FAM171A1: variants seen among roughly 807,000 people sequenced by gnomAD.
FAM171A1 encodes the protein family with sequence similarity 171 member A1, also known as protein FAM171A1.
FAM171A1 carries 23 observed loss-of-function variants against 74.9 expected under a neutral mutation model. That is an observed-to-expected ratio of 0.31 (90% CI 0.22 to 0.44). The LOEUF is 0.44. Ranked by LOEUF, FAM171A1 falls within the 20% of genes least tolerant of loss-of-function variation. The pLI is 1.00. For synonymous variants in FAM171A1, 527 were observed against 505.7 expected (o/e 1.04, Z -0.57); for missense variants, 1,162 against 1,159.2 (o/e 1.00, Z -0.03).
chr10:15,257,878 G>C (rs983608293), intron 3 of FAM171A1, among the ~76,000 whole-genome samples: 2 of 152,162 alleles, frequency 1.3e-5, no homozygotes, highest in African/African-American at 4.8e-5. Context: ...GCCTGCCTCC[G>C]TGTACTAAAG....
chr10:15,336,279 T>G (rs1835698677), intron 1 of FAM171A1, among the ~76,000 whole-genome samples: 1 of 151,334 alleles, frequency 6.6e-6, no homozygotes, highest in Admixed American at 6.6e-5. Flanking sequence ...ATGCACACGT[T>G]CCTCCTAAGG....
At chr10:15,256,101 C>T (rs1300238570) in intron 3 of FAM171A1, among the ~76,000 whole-genome samples, 1 of 152,174 alleles carries the variant, frequency 6.6e-6, no homozygotes, top group Admixed American at 6.5e-5. Flanking sequence ...TTGAGGCAGA[C>T]CACATTCCAC....
At chr10:15,230,506 C>T (rs994100559) in intron 5 of FAM171A1, among the ~76,000 whole-genome samples, 8 of 152,182 alleles carry the variant, frequency 5.3e-5, no homozygotes, top group African/African-American at 1.7e-4. Flanking sequence ...TTGTAACCAA[C>T]GACCTTCTGT....
At position 15,367,305 on chromosome 10, in the gene FAM171A1, T is replaced by C. The variant is rs1836077798; in HGVS notation, c.97+3651A>G. On this transcript the variant is annotated intron_variant, in intron 1 of 7. Transcript: ENST00000378116. ...ATGCACTATTTTCCTTCTTTTGGTT[T>C]GGATGTTAAGGTAACAACCTATAAG... is the stretch of plus-strand genomic sequence containing the variant. Among the ~76,000 whole-genome samples the C allele has an allele frequency of 3.3e-5, 5 of 152,254 alleles. No homozygotes were observed. The South Asian group carries it at 1.0e-3, about 32-fold the overall frequency.
intron 7 of FAM171A1, 95 bp from the exon 8 acceptor site, chr10:15,214,696 T>C (rs1833945685): frequency 2.1e-6 from 3 of 1,453,574 alleles, no homozygotes; most frequent in Non-Finnish European, 2.7e-6. Context: ...TCAATTTCCA[T>C]GGGGAGAGAC....
At chr10:15,311,027 T>G (rs1225121821) in intron 1 of FAM171A1, among the ~76,000 whole-genome samples, 1 of 152,152 alleles carries the variant, frequency 6.6e-6, no homozygotes, top group Non-Finnish European at 1.5e-5. Flanking sequence ...GACCTAGGGC[T>G]GCTGGAAGGA....
At chr10:15,322,130 T>C (rs570837933) in intron 1 of FAM171A1, among the ~76,000 whole-genome samples, 10 of 152,344 alleles carry the variant, frequency 6.6e-5, no homozygotes, top group African/African-American at 2.2e-4. Context: ...TTTAAACCCT[T>C]TGCAGAGATT....
chr10:15,218,055 C>G (rs1833988902), intron 6 of FAM171A1, among the ~76,000 whole-genome samples: 1 of 152,048 alleles, frequency 6.6e-6, no homozygotes, highest in African/African-American at 2.4e-5. Context: ...ATGCTTCGTC[C>G]TTTAAGTACT....
intron 2 of FAM171A1, among the ~76,000 whole-genome samples, chr10:15,283,243 C>T (rs1452807355): frequency 6.6e-6 from 1 of 152,164 alleles, no homozygotes; most frequent in Non-Finnish European, 1.5e-5. Flanking sequence ...CCACAGCTTG[C>T]CCCTGCTGGG....
chr10:15,224,105 A>C lies in FAM171A1; in HGVS notation c.755-3045T>G, dbSNP rs548994533. On this transcript the variant is annotated intron_variant, in intron 5 of 7. Transcript: ENST00000378116. ...ATAGCTGCTTGGAGGGTCAGCTAGGAAACACCCACCTGGGGTGGGTGTAGA... is the reference window on the plus strand; with the variant it reads ...ATAGCTGCTTGGAGGGTCAGCTAGGCAACACCCACCTGGGGTGGGTGTAGA... Among the ~76,000 whole-genome samples the C allele has an allele frequency of 3.3e-5, 5 of 152,276 alleles. No homozygotes were observed. In the South Asian group the frequency reaches 1.0e-3, roughly 32 times the overall value.
intron 3 of FAM171A1, among the ~76,000 whole-genome samples, chr10:15,275,593 T>C (rs777521895): frequency 8.5e-5 from 13 of 152,104 alleles, no homozygotes; most frequent in Non-Finnish European, 1.8e-4. Flanking sequence ...CATAAGATTT[T>C]AGTAGGTGGC....
chr10:15,259,568 T>C (rs1834629578), intron 3 of FAM171A1, among the ~76,000 whole-genome samples: 1 of 152,194 alleles, frequency 6.6e-6, no homozygotes, highest in South Asian at 2.1e-4. Context: ...AATAAAAATA[T>C]GTTATTTAAT....
At chr10:15,318,679 T>G (rs552253918) in intron 1 of FAM171A1, among the ~76,000 whole-genome samples, 1 of 152,246 alleles carries the variant, frequency 6.6e-6, no homozygotes, top group African/African-American at 2.4e-5. Flanking sequence ...ATTTCCTCCC[T>G]TTCAAGTGTG....
chr10:15,313,233 C>T (rs1264220264), intron 1 of FAM171A1, among the ~76,000 whole-genome samples: 1 of 152,212 alleles, frequency 6.6e-6, no homozygotes, highest in Non-Finnish European at 1.5e-5. Flanking sequence ...CAGTAAACCT[C>T]CTGTTCCAGG....
In FAM171A1 at chr10:15,368,079, G is replaced by A. The variant is rs181164867; in HGVS notation, c.97+2877C>T. ...TGAAAAATTCCCAGAAAATAGATTC[G>A]ATACTATAAATGCTCCAGAGCAACT... On this transcript the variant is annotated intron_variant, in intron 1 of 7. Coordinates refer to ENST00000378116, the MANE Select transcript of FAM171A1 (RefSeq NM_001010924.2). Among the ~76,000 whole-genome samples, 65 of 152,208 alleles carry A rather than the reference G, an allele frequency of 4.3e-4. No homozygotes were observed. In the East Asian group the frequency reaches 6.6e-3, roughly 15 times the overall value.
At chr10:15,303,180 G>A (rs975221912) in intron 1 of FAM171A1, among the ~76,000 whole-genome samples, 1 of 151,776 alleles carries the variant, frequency 6.6e-6, no homozygotes, top group Admixed American at 6.6e-5. Flanking sequence ...CAAAAGCAAA[G>A]CTCCATCTCA....
chr10:15,272,579 C>T (rs1277791665), intron 3 of FAM171A1, among the ~76,000 whole-genome samples: 1 of 152,202 alleles, frequency 6.6e-6, no homozygotes, highest in Non-Finnish European at 1.5e-5. Flanking sequence ...CCCAAATCAA[C>T]AGAATATACA....
intron 5 of FAM171A1, among the ~76,000 whole-genome samples, chr10:15,233,436 G>C (rs935529031): frequency 2.6e-5 from 4 of 152,010 alleles, no homozygotes; most frequent in African/African-American, 9.7e-5. Flanking sequence ...ACAAATACGT[G>C]TACATGGCGT....
At chr10:15,273,890 T>C (rs1834859766) in intron 3 of FAM171A1, among the ~76,000 whole-genome samples, 1 of 152,124 alleles carries the variant, frequency 6.6e-6, no homozygotes, top group African/African-American at 2.4e-5. Flanking sequence ...TATCTCAAAA[T>C]AATAAGAGCT....
Sources: allele counts gnomAD v4.1 joint callset (sites outside exome capture counted in the v4.1 genomes callset), GRCh38; gene constraint gnomAD v4.1.1; transcripts MANE v1.5; gene names NCBI Gene and HGNC (gene_info 2026-07-23, HGNC 2026-07-21).